HS2ST1: variants seen among roughly 807,000 people sequenced by gnomAD.
HS2ST1 encodes the protein 2-O-sulfotransferase.
HS2ST1 carries 18 observed loss-of-function variants against 42.9 expected under a neutral mutation model. The observed-to-expected ratio is 0.42, with a 90% CI of 0.29 to 0.62. The LOEUF is 0.62. HS2ST1 is among the 20% of genes least tolerant of loss of function. The probability of loss-of-function intolerance (pLI) is 0.21; values close to 1 mark genes in which losing one functional copy is unlikely to be tolerated. For synonymous variants in HS2ST1, 146 were observed against 152.9 expected (o/e 0.95, Z 0.33); for missense variants, 334 against 433.8 (o/e 0.77, Z 2.04).
rs554858735 is a variant in HS2ST1, at chr1:87,002,854, A to T, written c.125-70080A>T. ...TAAAGCCATTTGGGAATCATTGATT[A>T]GTCTAGAATGTAGATATGGAACAAT... is the stretch of plus-strand genomic sequence containing the variant. On this transcript the variant is annotated intron_variant, in intron 1 of 6. Transcript: ENST00000370550. Among the ~76,000 whole-genome samples the T allele has an allele frequency of 2.8e-4, 43 of 152,308 alleles. No individual in the cohort carries two copies. In the East Asian group the frequency reaches 5.6e-3, roughly 20 times the overall value.
intron 1 of HS2ST1, among the ~76,000 whole-genome samples, chr1:87,065,981 C>G (rs190634098): frequency 6.6e-6 from 1 of 152,144 alleles, no homozygotes; most frequent in Admixed American, 6.5e-5. Flanking sequence ...TTATATCCCT[C>G]TCGTCCTAAA....
At chr1:86,915,501 C>A (rs1038576116) in intron 1 of HS2ST1, among the ~76,000 whole-genome samples, 55 of 152,152 alleles carry the variant, frequency 3.6e-4, no homozygotes, top group African/African-American at 1.2e-3. Context: ...GAGACAGAAG[C>A]GCTTAGCATC....
intron 1 of HS2ST1, among the ~76,000 whole-genome samples, chr1:87,053,853 T>C (rs1288980668): frequency 6.6e-6 from 1 of 152,180 alleles, no homozygotes; most frequent in Non-Finnish European, 1.5e-5. Context: ...AATACAGATA[T>C]TTAGAACCAA....
intron 1 of HS2ST1, among the ~76,000 whole-genome samples, chr1:86,951,189 C>G (rs900853751): frequency 6.6e-6 from 1 of 152,198 alleles, no homozygotes. Context: ...TATCAGTTCT[C>G]TAGGAGCACT....
At chr1:87,029,470 T>A (rs902542201) in intron 1 of HS2ST1, among the ~76,000 whole-genome samples, 1 of 152,290 alleles carries the variant, frequency 6.6e-6, no homozygotes, top group African/African-American at 2.4e-5. Context: ...GGGGAAAAAG[T>A]TAATTATGGT....
rs1466316766 is a variant in HS2ST1, at chr1:86,914,913, C to T, written c.-124C>T. 8.1e-6 allele frequency: 10 copies of T among 1,229,666 alleles called. No individual in the cohort carries two copies. The highest frequency in any genetic ancestry group is 6.1e-5 in the African/African-American group (4 of 66,052). 76.2% of individuals were successfully genotyped at this position (1,229,666 alleles called of 1,614,324 possible). A position where few individuals can be genotyped will look rare whatever the true frequency, so the allele number is the denominator to read the frequency against. The stretch of plus-strand genomic sequence containing the variant: ...GAGAAGGGGGGTCGCTGCGGTGGTT[C>T]TCTCGCTGTCGCTCTCTCTTTGCCT... On this transcript the variant is annotated 5_prime_UTR_variant, in exon 1 of 7. Transcript: ENST00000370550.
intron 1 of HS2ST1, among the ~76,000 whole-genome samples, chr1:87,002,027 C>T (rs891301341): frequency 6.6e-6 from 1 of 152,048 alleles, no homozygotes; most frequent in African/African-American, 2.4e-5. Flanking sequence ...ATTCTCCTAC[C>T]TCAGCCACCC....
At chr1:86,963,491 A>C (rs886117330) in intron 1 of HS2ST1, among the ~76,000 whole-genome samples, 2 of 152,230 alleles carry the variant, frequency 1.3e-5, no homozygotes, top group Non-Finnish European at 2.9e-5. Context: ...GTCATAGATC[A>C]ACAGCATCCC....
intron 1 of HS2ST1, among the ~76,000 whole-genome samples, chr1:87,015,843 A>G (rs927749837): frequency 6.6e-6 from 1 of 151,320 alleles, no homozygotes; most frequent in Admixed American, 6.6e-5. Flanking sequence ...TTTGAGATGG[A>G]GTCTATCTCT....
chr1:87,107,008 T>G lies in HS2ST1; in HGVS notation c.*2312T>G, dbSNP rs1203554812. The G allele has an allele frequency of 1.3e-5, 2 of 152,082 alleles. No individual in the cohort carries two copies. Among genetic ancestry groups the G allele is most frequent in the African/African-American group, 4.8e-5 (2 of 41,454 alleles). 9.4% of individuals were successfully genotyped at this position (152,082 alleles called of 1,614,324 possible). Reference sequence around the variant, plus strand: ...GTCACAGCTAGTCAACCCTGCCATTTTACCACAAAAGCAGCAATAGACATT... The same window carrying G: ...GTCACAGCTAGTCAACCCTGCCATTGTACCACAAAAGCAGCAATAGACATT... On this transcript the variant is annotated 3_prime_UTR_variant, in exon 7 of 7. Coordinates refer to ENST00000370550, the MANE Select transcript of HS2ST1 (RefSeq NM_012262.4).
intron 1 of HS2ST1, among the ~76,000 whole-genome samples, chr1:87,066,984 G>A (rs1305149077): frequency 6.6e-6 from 1 of 152,122 alleles, no homozygotes; most frequent in South Asian, 2.1e-4. Context: ...TGGGGATTTG[G>A]GTTGGTTCCA....
chr1:86,947,436 C>A (rs74099365), intron 1 of HS2ST1, among the ~76,000 whole-genome samples: 1 of 152,092 alleles, frequency 6.6e-6, no homozygotes, highest in Non-Finnish European at 1.5e-5. Context: ...CTGTTGTTTG[C>A]GTATTACTTG....
intron 1 of HS2ST1, among the ~76,000 whole-genome samples, chr1:86,958,819 A>G (rs1210432439): frequency 1.3e-5 from 2 of 152,256 alleles, no homozygotes; most frequent in African/African-American, 4.8e-5. Context: ...TTTTGTGAAT[A>G]TAAATGTAAA....
At chr1:87,091,642 A>G (rs1445232463) in intron 3 of HS2ST1, among the ~76,000 whole-genome samples, 1 of 151,712 alleles carries the variant, frequency 6.6e-6, no homozygotes, top group Non-Finnish European at 1.5e-5. Flanking sequence ...AAGAGAAAGA[A>G]TGATGAAGAC....
intron 1 of HS2ST1, among the ~76,000 whole-genome samples, chr1:87,057,804 T>G (rs187754574): frequency 4.0e-5 from 6 of 151,462 alleles, no homozygotes; most frequent in African/African-American, 1.2e-4. Context: ...TGAGCTGAGA[T>G]CATGCCACTG....
At chr1:86,923,613 G>T (rs544947989) in intron 1 of HS2ST1, among the ~76,000 whole-genome samples, 8 of 152,290 alleles carry the variant, frequency 5.3e-5, no homozygotes, top group African/African-American at 1.9e-4. Flanking sequence ...AGCCAGGCTG[G>T]TCTTGATCTC....
chr1:87,022,796 C>T (rs1336501998), intron 1 of HS2ST1, among the ~76,000 whole-genome samples: 1 of 152,114 alleles, frequency 6.6e-6, no homozygotes, highest in African/African-American at 2.4e-5. Flanking sequence ...AGTTCTTGTC[C>T]TCCAGGAACT....
At chr1:86,970,989 C>T (rs1648217269) in intron 1 of HS2ST1, among the ~76,000 whole-genome samples, 1 of 152,084 alleles carries the variant, frequency 6.6e-6, no homozygotes, top group South Asian at 2.1e-4. Flanking sequence ...TCTACTGATG[C>T]CAGATCAGTT....
chr1:86,928,603 C>T (rs1660471685), intron 1 of HS2ST1, among the ~76,000 whole-genome samples: 1 of 151,956 alleles, frequency 6.6e-6, no homozygotes, highest in Non-Finnish European at 1.5e-5. Flanking sequence ...GGCAGAAAAA[C>T]TCAGTTGTTT....
Sources: gnomAD v4.1 joint callset for allele counts (sites outside exome capture counted in the v4.1 genomes callset) on GRCh38, gnomAD v4.1.1 for gene constraint, MANE v1.5 for transcripts, NCBI Gene and HGNC (gene_info 2026-07-23, HGNC 2026-07-21) for gene names.